The following PVT1 variants were observed in gnomAD, a reference collection of about 807,000 sequenced individuals.
The protein encoded by PVT1 is CXCR4/PVT1 fusion.
intron 3 of PVT1, among the ~76,000 whole-genome samples, chr8:127,934,005 G>T (rs907366962): frequency 1.1e-4 from 17 of 152,200 alleles, no homozygotes; most frequent in African/African-American, 3.9e-4. Context: ...AGAGCTGTAG[G>T]TTGCTCATAA....
intron 3 of PVT1, among the ~76,000 whole-genome samples, chr8:127,955,966 C>G (rs1437977530): frequency 6.6e-6 from 1 of 152,242 alleles, no homozygotes; most frequent in Non-Finnish European, 1.5e-5. Context: ...TTAGTTTCTG[C>G]AAGGGCTAAA....
chr8:127,925,377 C>A (rs1295451425), intron 3 of PVT1, among the ~76,000 whole-genome samples: 1 of 152,068 alleles, frequency 6.6e-6, no homozygotes, highest in Non-Finnish European at 1.5e-5. Context: ...TTGAAAAATC[C>A]AGCATCATGT....
intron 4 of PVT1, among the ~76,000 whole-genome samples, chr8:128,068,920 C>T (rs1396382263): frequency 6.6e-6 from 1 of 152,186 alleles, no homozygotes; most frequent in African/African-American, 2.4e-5. Context: ...GACCTTGTAT[C>T]CCTATTTGGG....
chr8:127,872,624 C>G (rs912634885), intron 2 of PVT1, among the ~76,000 whole-genome samples: 5 of 152,152 alleles, frequency 3.3e-5, no homozygotes, highest in Admixed American at 6.5e-5. Flanking sequence ...AAAATAACTT[C>G]AAACACTACA....
chr8:127,838,040 G>A lies in PVT1; in HGVS notation n.372+41969G>A, dbSNP rs1299706074. Among the ~76,000 whole-genome samples the A allele has an allele frequency of 3.3e-5, 5 of 151,792 alleles. 1 individual carries two copies. The highest frequency in any genetic ancestry group is 6.6e-5 in the Admixed American group (1 of 15,226). ...AGCCTCCTGAATAGCTGGGATTACA[G>A]GCATGCGCCACCATGCCCGGCTAAT... On this transcript the variant is annotated intron_variant and non_coding_transcript_variant, in intron 2 of 10. Coordinates refer to ENST00000651587, the Ensembl canonical transcript of PVT1.
chr8:128,033,514 C>G (rs1201211758), intron 4 of PVT1, among the ~76,000 whole-genome samples: 1 of 152,322 alleles, frequency 6.6e-6, no homozygotes, highest in East Asian at 1.9e-4. Context: ...ACAAGCTTCT[C>G]CCTGGGCGGC....
At chr8:127,963,962 G>T (rs964749151) in intron 3 of PVT1, among the ~76,000 whole-genome samples, 1 of 152,202 alleles carries the variant, frequency 6.6e-6, no homozygotes, top group African/African-American at 2.4e-5. Context: ...GTCCAGTAAC[G>T]TTTGTCAGGG....
At chr8:127,967,383 T>G (rs1355284369) in intron 3 of PVT1, among the ~76,000 whole-genome samples, 1 of 152,234 alleles carries the variant, frequency 6.6e-6, no homozygotes, top group African/African-American at 2.4e-5. Context: ...GCGCTCTTGT[T>G]TGCCCAAGTC....
At chr8:127,917,204 G>A (rs562192729) in intron 3 of PVT1, among the ~76,000 whole-genome samples, 1 of 152,070 alleles carries the variant, frequency 6.6e-6, no homozygotes, top group South Asian at 2.1e-4. Flanking sequence ...ATCCATCCAC[G>A]CAACCACCCA....
chr8:127,869,929 G>A (rs1023381786), intron 2 of PVT1, among the ~76,000 whole-genome samples: 7 of 152,224 alleles, frequency 4.6e-5, no homozygotes, highest in Middle Eastern at 3.4e-3. Flanking sequence ...TCAGCCGTCC[G>A]AGTAGCTGAG....
intron 2 of PVT1, among the ~76,000 whole-genome samples, chr8:127,812,467 G>A (rs1401301673): frequency 1.3e-5 from 2 of 151,904 alleles, no homozygotes; most frequent in East Asian, 3.9e-4. Flanking sequence ...GGCCAAAGCT[G>A]GAGGATTGCT....
intron 2 of PVT1, among the ~76,000 whole-genome samples, chr8:127,883,824 G>A (rs921690690): frequency 6.6e-6 from 1 of 152,116 alleles, no homozygotes; most frequent in African/African-American, 2.4e-5. Flanking sequence ...CATGCTTATT[G>A]TGAAGACTTC....
chr8:127,913,448 C>A (rs1263945379), intron 3 of PVT1, among the ~76,000 whole-genome samples: 2 of 152,204 alleles, frequency 1.3e-5, no homozygotes, highest in Non-Finnish European at 2.9e-5. Flanking sequence ...CTGGGCCACA[C>A]ATGACTGTGA....
At chr8:127,971,368 T>C (rs1467968818) in intron 3 of PVT1, among the ~76,000 whole-genome samples, 2 of 152,220 alleles carry the variant, frequency 1.3e-5, no homozygotes, top group Non-Finnish European at 2.9e-5. Flanking sequence ...CAGGAGACGG[T>C]CCAGGCCCAC....
intron 2 of PVT1, among the ~76,000 whole-genome samples, chr8:127,825,921 G>A (rs1189999843): frequency 1.3e-5 from 2 of 151,352 alleles, no homozygotes; most frequent in Non-Finnish European, 2.9e-5. Context: ...CACAATCATG[G>A]TTCATTGCAG....
At chr8:127,855,945 C>T (rs1478035290) in intron 2 of PVT1, among the ~76,000 whole-genome samples, 1 of 152,246 alleles carries the variant, frequency 6.6e-6, no homozygotes, top group African/African-American at 2.4e-5. Context: ...TCTCCATAAT[C>T]TCGCCCCTCC....
chr8:127,800,728 T>A (rs1814454757), intron 2 of PVT1, among the ~76,000 whole-genome samples: 1 of 152,128 alleles, frequency 6.6e-6, no homozygotes. Flanking sequence ...GTCTACTCTG[T>A]GCCTGGCATT....
chr8:128,049,885 C>T (rs1479168067), intron 4 of PVT1, among the ~76,000 whole-genome samples: 3 of 152,190 alleles, frequency 2.0e-5, no homozygotes, highest in Non-Finnish European at 4.4e-5. Context: ...CCATTGATCT[C>T]TTTGCCTCTC....
At chr8:127,933,639 C>G (rs2129892438) in intron 3 of PVT1, among the ~76,000 whole-genome samples, 1 of 152,254 alleles carries the variant, frequency 6.6e-6, no homozygotes, top group South Asian at 2.1e-4. Context: ...TGAAGCCTCT[C>G]TGGGTTTGGT....
Sources: gnomAD v4.1 joint callset for allele counts (sites outside exome capture counted in the v4.1 genomes callset) on GRCh38, gnomAD v4.1.1 for gene constraint, MANE v1.5 for transcripts, NCBI Gene and HGNC (gene_info 2026-07-23, HGNC 2026-07-21) for gene names.